KCNJ5: variants seen among roughly 807,000 people sequenced by gnomAD.
The protein encoded by KCNJ5 is potassium inwardly rectifying channel subfamily J member 5.
A neutral mutation model predicts 20.2 loss-of-function variants in KCNJ5; 12 were observed. The observed-to-expected ratio is 0.59, with a 90% confidence interval of 0.38 to 0.96. The LOEUF is 0.96. Among genes scored for constraint, KCNJ5 ranks in the 40% least tolerant of loss-of-function variants. The pLI is 0.00. For missense variants in KCNJ5, 449 were observed against 557.6 expected (o/e 0.81, Z 1.96); for synonymous variants, 210 against 213.9 (o/e 0.98, Z 0.16).
chr11:128,904,329 T>G, intron 1 of KCNJ5: 12 of 1,514,548 alleles, frequency 7.9e-6, no homozygotes, highest in Non-Finnish European at 1.1e-5. Flanking sequence ...CTGGCCTCTC[T>G]CTCACTCTCT....
intron 1 of KCNJ5, among the ~76,000 whole-genome samples, chr11:128,908,691 AAGAGCTG>A (rs1944458199): frequency 6.6e-6 from 1 of 152,208 alleles, no homozygotes; most frequent in African/African-American, 2.4e-5. Flanking sequence ...TGTTTCCCCA[AAGAGCTG>A]AGTACAGGAG....
chr11:128,892,650 TGTGCAATTTGCCTCAG>T (rs1565541078), intron 1 of KCNJ5, among the ~76,000 whole-genome samples: 2 of 152,260 alleles, frequency 1.3e-5, no homozygotes, highest in Non-Finnish European at 2.9e-5. Flanking sequence ...CCAGAGAGGC[TGTGCAATTTGCCTCAG>T]GTGCACAGCT....
In KCNJ5 at chr11:128,911,511, A is replaced by G. The variant is rs1944498143; in HGVS notation, c.238A>G (p.Thr80Ala). The G allele has an allele frequency of 6.2e-7, 1 of 1,614,194 alleles. No individual in the cohort carries two copies. Among genetic ancestry groups the G allele is most frequent in the Non-Finnish European group, 8.5e-7 (1 of 1,180,042 alleles). The change falls in exon 2 of 3, where the codon ACC becomes GCC. Residue 80 changes from threonine (T) to alanine (A), a missense_variant. Physicochemically the swap from Thr to Ala is moderately conservative, Grantham distance 58. Transcript: ENST00000529694. This position sits in a 1 kb window ranked among gnomAD's most constrained non-coding sequence, Gnocchi z 6.3. ...CCGGTACCTGAGTGACCTCTTCACCACCCTGGTGGACCTCAAGTGGCGCTT... is the reference window on the plus strand; with the variant it reads ...CCGGTACCTGAGTGACCTCTTCACCGCCCTGGTGGACCTCAAGTGGCGCTT... ...TYRYLSDLFT[T>A]LVDLKWRFNL...
intron 2 of KCNJ5, among the ~76,000 whole-genome samples, chr11:128,916,164 C>G (rs1308090886): frequency 8.5e-6 from 1 of 117,102 alleles, no homozygotes. Flanking sequence ...TTGCCCTTTC[C>G]TGCCTTTTTT....
chr11:128,912,254 A>G (rs1261175075), intron 2 of KCNJ5, 44 bp downstream of exon 2: 1 of 1,484,658 alleles, frequency 6.7e-7, no homozygotes, highest in Admixed American at 1.7e-5. Context: ...CCCTACCTAC[A>G]CTTCAGACTT....
intron 1 of KCNJ5, among the ~76,000 whole-genome samples, chr11:128,896,895 T>C (rs1944185921): frequency 6.6e-6 from 1 of 151,808 alleles, no homozygotes; most frequent in Admixed American, 6.6e-5. Context: ...GTTTTTTTTA[T>C]TTTTTTTCGA....
Position 128,920,024 on chromosome 11 carries a change from C to T in KCNJ5, c.*3293C>T, listed in dbSNP as rs2604195. On this transcript the variant is annotated 3_prime_UTR_variant, in exon 3 of 3. Transcript: ENST00000529694. ...AAATCCCAAAGTGATATTTCACTTT[C>T]GGACCCTGAAAGTTTGGAGAGCTGG... 0.77 allele frequency: 117,167 copies of T among 152,120 alleles called. 45,284 individuals are homozygous for T. The highest frequency in any genetic ancestry group is 0.8 in the African/African-American group (33,164 of 41,492). The allele number at this position is 152,120 out of a possible 1,614,324, so 9.4% of individuals were successfully genotyped here.
chr11:128,903,818 C>T (rs899352455), intron 1 of KCNJ5, among the ~76,000 whole-genome samples: 4 of 152,132 alleles, frequency 2.6e-5, no homozygotes, highest in African/African-American at 7.2e-5. Context: ...CCCTGGCTGG[C>T]GGGAAGTGAC....
chr11:128,895,386 C>CG (rs957379320), intron 1 of KCNJ5, among the ~76,000 whole-genome samples: 62 of 149,876 alleles, frequency 4.1e-4, no homozygotes, highest in Non-Finnish European at 8.3e-4. Context: ...GCCCCCACCC[C>CG]CCCCCCAACC....
At chr11:128,916,114 ATGGATGG>A (rs2136003275) in intron 2 of KCNJ5, among the ~76,000 whole-genome samples, 2 of 123,044 alleles carry the variant, frequency 1.6e-5, no homozygotes, top group South Asian at 2.8e-4. Context: ...GGATGGATGG[ATGGATGG>A]ATGGATGGAT....
intron 1 of KCNJ5, among the ~76,000 whole-genome samples, chr11:128,894,392 G>A (rs537683523): frequency 1.3e-5 from 2 of 152,218 alleles, no homozygotes; most frequent in Non-Finnish European, 2.9e-5. Flanking sequence ...AGAAGGCAGG[G>A]GTCAGGGAAT....
At chr11:128,896,607 G>GGTGTGTGT (rs142872056) in intron 1 of KCNJ5, among the ~76,000 whole-genome samples, 1 of 149,148 alleles carries the variant, frequency 6.7e-6, no homozygotes, top group African/African-American at 2.5e-5. Context: ...GCTTGTTGGG[G>GGTGTGTGT]GTGTGTGTGT....
At chr11:128,894,788 T>G (rs969901850) in intron 1 of KCNJ5, among the ~76,000 whole-genome samples, 3 of 152,250 alleles carry the variant, frequency 2.0e-5, no homozygotes, top group Non-Finnish European at 2.9e-5. Flanking sequence ...CAGCAGCAGC[T>G]TATCTAGTTC....
At position 128,920,012 on chromosome 11, in the gene KCNJ5, A is replaced by G. The variant is rs1323143821; in HGVS notation, c.*3281A>G. 2 of 152,144 alleles carry G rather than the reference A, an allele frequency of 1.3e-5. No individual in the cohort carries two copies. Among genetic ancestry groups the G allele is most frequent in the Non-Finnish European group, 2.9e-5 (2 of 68,038 alleles). The allele number at this position is 152,144 out of a possible 1,614,324, so 9.4% of individuals were successfully genotyped here. ...TGAGTATCTCCAAAATCCCAAAGTGATATTTCACTTTCGGACCCTGAAAGT... is the reference window on the plus strand; with the variant it reads ...TGAGTATCTCCAAAATCCCAAAGTGGTATTTCACTTTCGGACCCTGAAAGT... On this transcript the variant is annotated 3_prime_UTR_variant, in exon 3 of 3. Coordinates refer to ENST00000529694, the MANE Select transcript of KCNJ5 (RefSeq NM_000890.5).
chr11:128,906,830 C>A (rs907943300), intron 1 of KCNJ5, among the ~76,000 whole-genome samples: 3 of 152,176 alleles, frequency 2.0e-5, no homozygotes, highest in Admixed American at 2.0e-4. Flanking sequence ...ATATGACATG[C>A]CCCAGTCATG....
chr11:128,901,422 C>T (rs1944273941), intron 1 of KCNJ5: 1 of 152,334 alleles, frequency 6.6e-6, no homozygotes, highest in Non-Finnish European at 1.5e-5. Context: ...CAGAGCTGTT[C>T]TGCAAAGAAA....
Position 128,911,361 on chromosome 11 carries a change from C to T in KCNJ5, c.88C>T (p.Arg30Cys), listed in dbSNP as rs1565551461. 7 of 1,614,190 alleles carry T rather than the reference C, an allele frequency of 4.3e-6. No homozygotes were observed. The highest frequency in any genetic ancestry group is 5.9e-6 in the Non-Finnish European group (7 of 1,180,040). Residue 30 changes from arginine (R) to cysteine (C), a missense_variant, in exon 2 of 3, where the codon CGC becomes TGC. Physicochemically the swap from Arg to Cys is radical, Grantham distance 180 (BLOSUM62 -3). Transcript: ENST00000529694. The surrounding 1 kb of genome is among the most constrained non-coding windows in gnomAD (Gnocchi z 6.3). ...CCCCAAGAAGATTCCAAAACAGGCCCGCGATTATGTCCCCATTGCCACAGA... is the reference window on the plus strand; with the variant it reads ...CCCCAAGAAGATTCCAAAACAGGCCTGCGATTATGTCCCCATTGCCACAGA... Reference protein sequence around the residue: ...WDPKKIPKQARDYVPIATDRT... With the variant: ...WDPKKIPKQACDYVPIATDRT...
rs147448899 is a variant in KCNJ5, at chr11:128,904,513, G to A, written c.-10-6751G>A. ...CCCAGCTGATGGCAGCGTGCGTCCAGGGCGGAGAGGTCGTGCTACTCAGGT... is the reference window on the plus strand; with the variant it reads ...CCCAGCTGATGGCAGCGTGCGTCCAAGGCGGAGAGGTCGTGCTACTCAGGT... On this transcript the variant is annotated intron_variant, in intron 1 of 2. Transcript: ENST00000529694. The A allele has an allele frequency of 7.7e-5, 117 of 1,528,824 alleles. No individual in the cohort carries two copies. The African/African-American group carries it at 1.4e-3, about 18-fold the overall frequency. The allele number at this position is 1,528,824 out of a possible 1,614,324, so 94.7% of individuals were successfully genotyped here.
intron 1 of KCNJ5, among the ~76,000 whole-genome samples, chr11:128,894,906 T>TA (rs1944148122): frequency 6.6e-6 from 1 of 152,232 alleles, no homozygotes; most frequent in South Asian, 2.1e-4. Flanking sequence ...GCCAAAGCTT[T>TA]AATATGTGAC....
Sources: gnomAD v4.1 joint callset for allele counts (sites outside exome capture counted in the v4.1 genomes callset) on GRCh38, gnomAD v4.1.1 for gene constraint, Gnocchi (gnomAD v3.1) non-coding constraint, MANE v1.5 for transcripts, NCBI Gene and HGNC (gene_info 2026-07-23, HGNC 2026-07-21) for gene names.